POU1F1: variants seen among roughly 807,000 people sequenced by gnomAD.
POU1F1 encodes the protein POU class 1 homeobox 1.
Under a neutral mutation model 32.3 loss-of-function variants are expected in POU1F1, and 23 were observed. The observed-to-expected ratio is 0.71, with a 90% confidence interval of 0.51 to 1.01. The LOEUF (loss-of-function observed/expected upper bound fraction) is 1.01, where lower values mean the gene tolerates loss of function less well. Ranked by LOEUF, POU1F1 falls within the 50% of genes least tolerant of loss-of-function variation. POU1F1 has a pLI of 0.00. For synonymous variants in POU1F1, 120 were observed against 115.6 expected, an observed-to-expected ratio of 1.04 and a Z score of -0.25; for missense variants, 323 against 341.6, an observed-to-expected ratio of 0.95 and a Z score of 0.43.
intron 1 of POU1F1, chr3:87,273,641 A>G: frequency 1.3e-6 from 1 of 751,450 alleles, no homozygotes; most frequent in South Asian, 1.9e-5. Flanking sequence ...AGGGGGGATC[A>G]AAGTTTGTCT....
At chr3:87,260,160 G>A in intron 5 of POU1F1, 56 bp from the exon 6 acceptor site, 1 of 1,436,844 alleles carries the variant, frequency 7.0e-7, no homozygotes. Flanking sequence ...GAAGTTTTTG[G>A]CAGCTCAAAA....
At chr3:87,268,084 CTTTTTTTT>C (rs11387958) in intron 2 of POU1F1, among the ~76,000 whole-genome samples, 2 of 116,468 alleles carry the variant, frequency 1.7e-5, no homozygotes, top group Non-Finnish European at 3.5e-5. Flanking sequence ...TTCCCTTTCC[CTTTTTTTT>C]TTTTTTTTTT....
intron 1 of POU1F1, 123 bp from the exon 2 acceptor site, chr3:87,273,541 T>C (rs994075483): frequency 4.7e-6 from 7 of 1,490,836 alleles, no homozygotes; most frequent in Non-Finnish European, 6.3e-6. Flanking sequence ...TCGTTTTATT[T>C]CAAAAATACA....
chr3:87,264,635 G>A, intron 2 of POU1F1, 123 bp from the exon 3 acceptor site: 1 of 756,426 alleles, frequency 1.3e-6, no homozygotes, highest in Non-Finnish European at 2.3e-6. Context: ...GTACTTACAA[G>A]GTTACCTTAC....
In POU1F1 at chr3:87,275,414, T is replaced by C. The variant is rs1706808572; in HGVS notation, c.142+907A>G. ...AAATCCTTCAAATCAGAATAATGTA[T>C]CAACTCAAACTTTGATTTCTAAATG... On this transcript the variant is annotated intron_variant, in intron 1 of 5. Coordinates refer to ENST00000350375, the MANE Select transcript of POU1F1 (RefSeq NM_000306.4). Among the ~76,000 whole-genome samples, 3 of 152,066 alleles carry C rather than the reference T, an allele frequency of 2.0e-5. No individual in the cohort carries two copies. In the South Asian group the frequency reaches 6.2e-4, roughly 31 times the overall value.
chr3:87,273,562 G>A, intron 1 of POU1F1, 144 bp from the exon 2 acceptor site: 2 of 1,409,772 alleles, frequency 1.4e-6, no homozygotes, highest in Non-Finnish European at 1.9e-6. Context: ...CATTTATGTG[G>A]TTCTTAAAGT....
intron 2 of POU1F1, among the ~76,000 whole-genome samples, chr3:87,268,084 CTTTTTT>C (rs11387958): frequency 1.7e-5 from 2 of 116,468 alleles, no homozygotes; most frequent in Admixed American, 1.0e-4. Flanking sequence ...TTCCCTTTCC[CTTTTTT>C]TTTTTTTTTT....
chr3:87,273,988 A>G (rs995897351), intron 1 of POU1F1, among the ~76,000 whole-genome samples: 5 of 152,186 alleles, frequency 3.3e-5, no homozygotes, highest in Non-Finnish European at 7.4e-5. Context: ...TATTAGATAC[A>G]ATCATAAAAA....
intron 2 of POU1F1, among the ~76,000 whole-genome samples, chr3:87,271,059 G>A (rs763163364): frequency 6.6e-6 from 1 of 151,986 alleles, no homozygotes; most frequent in South Asian, 2.1e-4. Context: ...TTAATCTTAA[G>A]ACCACAGTGA....
intron 1 of POU1F1, among the ~76,000 whole-genome samples, chr3:87,275,374 C>T (rs300981): frequency 1 from 151,801 of 152,168 alleles, 75,719 homozygotes; most frequent in Middle Eastern, 1. Context: ...TTAATAATAA[C>T]AAAAGATAGA....
chr3:87,260,086 A>G lies in POU1F1; in HGVS notation c.684T>C (p.Ala228=), dbSNP rs1320345737. Residue 228 remains alanine (A), a synonymous_variant, in exon 6 of 6, where the codon GCT becomes GCC. Transcript: ENST00000350375. ...TCTGTTCTCCAAAGTGTCTCTCCAG[A>G]GCATCTTTAGCAGCAATGCTGGCGG... ...RTTISIAAKD[A]LERHFGEQNK... is the part of the protein sequence containing the mutation. 4 of 1,613,546 alleles carry G rather than the reference A, an allele frequency of 2.5e-6. No individual in the cohort carries two copies. In the South Asian group the frequency reaches 3.3e-5, roughly 13 times the overall value.
At chr3:87,274,490 T>C (rs1706792023) in intron 1 of POU1F1, among the ~76,000 whole-genome samples, 1 of 151,784 alleles carries the variant, frequency 6.6e-6, no homozygotes. Context: ...ATTAAAGACA[T>C]GCCTTTCTTC....
Position 87,276,502 on chromosome 3 carries a change from C to G in POU1F1, c.-40G>C. 1 of 1,606,056 alleles carries G rather than the reference C, an allele frequency of 6.2e-7. No individual in the cohort carries two copies. The highest frequency in any genetic ancestry group is 8.5e-7 in the Non-Finnish European group (1 of 1,175,240). On this transcript the variant is annotated 5_prime_UTR_variant, in exon 1 of 6. Transcript: ENST00000350375. The stretch of plus-strand genomic sequence containing the variant: ...AGAAAAATAAGGAGAACCGCTGCTC[C>G]CCAAATCAGAGTTTTATTATATTAC...
At chr3:87,270,723 A>C (rs1706707277) in intron 2 of POU1F1, among the ~76,000 whole-genome samples, 1 of 152,150 alleles carries the variant, frequency 6.6e-6, no homozygotes, top group Non-Finnish European at 1.5e-5. Flanking sequence ...CAGAAAATTC[A>C]GATGACATAA....
At position 87,273,278 on chromosome 3, in the gene POU1F1, C is replaced by T. The variant is rs1026825213; in HGVS notation, c.214+69G>A. On this transcript the variant is annotated intron_variant, in intron 2 of 5. Coordinates refer to ENST00000350375, the MANE Select transcript of POU1F1 (RefSeq NM_000306.4). ...TTCATGTCACACTCTGATCACAATT[C>T]TTTCAGGCCCAGAAAATCCATCTAA... The T allele has an allele frequency of 8.9e-6, 13 of 1,462,860 alleles. No individual in the cohort carries two copies. In the Middle Eastern group the frequency reaches 5.2e-4, roughly 59 times the overall value. 90.6% of individuals were successfully genotyped at this position (1,462,860 alleles called of 1,614,324 possible). A position where few individuals can be genotyped will look rare whatever the true frequency, so the allele number is the denominator to read the frequency against.
rs1252479158 is a variant in POU1F1, at chr3:87,260,090, T to A, written c.680A>T (p.Asp227Val). ...TTCTCCAAAGTGTCTCTCCAGAGCA[T>A]CTTTAGCAGCAATGCTGGCGGGGGG... ...RRTTISIAAK[D>V]ALERHFGEQN... Residue 227 changes from aspartate to valine, a missense_variant, in exon 6 of 6, where the codon GAT becomes GTT. Physicochemically the swap from Asp to Val is radical, Grantham distance 152. Coordinates refer to ENST00000350375, the MANE Select transcript of POU1F1 (RefSeq NM_000306.4). 1 of 1,613,790 alleles carries A rather than the reference T, an allele frequency of 6.2e-7. No homozygotes were observed. Among genetic ancestry groups the A allele is most frequent in the African/African-American group, 1.3e-5 (1 of 75,010 alleles).
rs775178741 is a variant in POU1F1 at position 87,276,303 on chromosome 3, T to C, written c.142+18A>G. On this transcript the variant is annotated intron_variant, in intron 1 of 5. Transcript: ENST00000350375. ...TATTTAGGCCCGGTCATATGTAAAC[T>C]GTCATAGGAGTCAGTACCTGTAGAC... 1 of 1,612,610 alleles carries C rather than the reference T, an allele frequency of 6.2e-7. No homozygotes were observed. Among genetic ancestry groups the C allele is most frequent in the Non-Finnish European group, 8.5e-7 (1 of 1,178,638 alleles).
chr3:87,260,012 A>G lies in POU1F1; in HGVS notation c.758T>C (p.Leu253Pro). ...CCAAACTCTTACTACTTCTTTCTCC[A>G]GATTCAGTTCTTCAGCCATCCTCAT... ...EIMRMAEELNLEKEVVRVWFC... is the reference protein window; with the variant it reads ...EIMRMAEELNPEKEVVRVWFC... Residue 253 changes from leucine to proline, a missense_variant, in exon 6 of 6, where the codon CTG becomes CCG. Physicochemically the swap from Leu to Pro is moderately conservative, Grantham distance 98 (BLOSUM62 -3). Transcript: ENST00000350375. The G allele has an allele frequency of 6.2e-7, 1 of 1,614,070 alleles. No homozygotes were observed. The highest frequency in any genetic ancestry group is 8.5e-7 in the Non-Finnish European group (1 of 1,180,006).
At chr3:87,275,048 A>G (rs1706800388) in intron 1 of POU1F1, among the ~76,000 whole-genome samples, 1 of 151,926 alleles carries the variant, frequency 6.6e-6, no homozygotes, top group African/African-American at 2.4e-5. Context: ...TATTCTCATT[A>G]TTCTCAATCT....
Sources: allele counts gnomAD v4.1 joint callset (sites outside exome capture counted in the v4.1 genomes callset), GRCh38; gene constraint gnomAD v4.1.1; transcripts MANE v1.5; gene names NCBI Gene and HGNC (gene_info 2026-07-23, HGNC 2026-07-21).